KIAA0586: variants seen among roughly 807,000 people sequenced by gnomAD.
KIAA0586 encodes the protein KIAA0586.
KIAA0586 carries 144 observed loss-of-function variants against 169.8 expected under a neutral mutation model. That is an observed-to-expected ratio of 0.85 (90% CI 0.74 to 0.97). The LOEUF is 0.97. Among genes scored for constraint, KIAA0586 ranks in the 50% least tolerant of loss-of-function variants. KIAA0586 has a pLI of 0.00. For missense variants in KIAA0586, 1,854 were observed against 1,823.0 expected (o/e 1.02, Z -0.31); for synonymous variants, 625 against 612.4 (o/e 1.02, Z -0.30).
At chr14:58,438,147 A>G (rs1020010078) in intron 4 of KIAA0586, among the ~76,000 whole-genome samples, 1 of 152,158 alleles carries the variant, frequency 6.6e-6, no homozygotes, top group Non-Finnish European at 1.5e-5. Context: ...ATAAAGAAAA[A>G]CTGGCTAAAA....
intron 18 of KIAA0586, among the ~76,000 whole-genome samples, chr14:58,472,501 C>T (rs184316465): frequency 1.3e-5 from 2 of 151,776 alleles, no homozygotes; most frequent in Admixed American, 1.3e-4. Flanking sequence ...TCTGCCGTTC[C>T]CCACCTAGAT....
At chr14:58,481,233 T>C (rs370984102) in intron 20 of KIAA0586, among the ~76,000 whole-genome samples, 2 of 152,220 alleles carry the variant, frequency 1.3e-5, no homozygotes, top group African/African-American at 4.8e-5. Flanking sequence ...AGCAGTACTC[T>C]TTGGTGAGGT....
chr14:58,470,627 A>C lies in KIAA0586; in HGVS notation c.2457A>C (p.Val819=). ...PQLTVQVLPS[V]DIDSISNSSA... is the part of the protein sequence containing the mutation. ...TTCTGTTTTAGGTATTACCCAGTGTAGATATTGACAGCATTTCAAATAGTA... is the reference window on the plus strand; with the variant it reads ...TTCTGTTTTAGGTATTACCCAGTGTCGATATTGACAGCATTTCAAATAGTA... The change falls in exon 17 of 31, where the codon GTA becomes GTC. Residue 819 remains valine, a synonymous_variant. Coordinates refer to ENST00000652326, the MANE Select transcript of KIAA0586 (RefSeq NM_001329943.3). 1 of 1,595,936 alleles carries C rather than the reference A, an allele frequency of 6.3e-7. No homozygotes were observed. The highest frequency in any genetic ancestry group is 2.2e-5 in the East Asian group (1 of 44,626).
At position 58,429,445 on chromosome 14, in the gene KIAA0586, G is replaced by T; in HGVS notation, c.270+12G>T. On this transcript the variant is annotated intron_variant, in intron 2 of 30. Coordinates refer to ENST00000652326, the MANE Select transcript of KIAA0586 (RefSeq NM_001329943.3). ...TGGTGTCAGAAAGTGTAAGCAAAAG[G>T]ATTCTTAATTATGCTCACGTTAAAA... The T allele has an allele frequency of 6.8e-7, 1 of 1,477,868 alleles. No individual in the cohort carries two copies. Among genetic ancestry groups the T allele is most frequent in the Non-Finnish European group, 9.5e-7 (1 of 1,057,376 alleles). 91.5% of individuals were successfully genotyped at this position (1,477,868 alleles called of 1,614,324 possible).
At chr14:58,539,248 T>G (rs1209777420) in intron 29 of KIAA0586, among the ~76,000 whole-genome samples, 1 of 152,130 alleles carries the variant, frequency 6.6e-6, no homozygotes, top group Non-Finnish European at 1.5e-5. Context: ...ATGTACTACC[T>G]GAAATTTTTG....
At chr14:58,510,852 A>G (rs1320802623) in intron 28 of KIAA0586, among the ~76,000 whole-genome samples, 2 of 152,098 alleles carry the variant, frequency 1.3e-5, no homozygotes, top group East Asian at 3.9e-4. Context: ...TATGTTGAGT[A>G]AAGAAGCCAT....
chr14:58,450,531 A>T, intron 7 of KIAA0586, 48 bp from the exon 8 acceptor site: 1 of 1,122,104 alleles, frequency 8.9e-7, no homozygotes, highest in Non-Finnish European at 1.3e-6. Context: ...TATAATTTTT[A>T]AAGCTTTTTA....
At chr14:58,485,121 A>G (rs2042354750) in intron 21 of KIAA0586, among the ~76,000 whole-genome samples, 2 of 149,440 alleles carry the variant, frequency 1.3e-5, no homozygotes, top group Non-Finnish European at 1.5e-5. Flanking sequence ...ACGGGGTTTC[A>G]CCATGTTGGC....
intron 29 of KIAA0586, among the ~76,000 whole-genome samples, chr14:58,533,786 G>A (rs553449396): frequency 2.0e-5 from 3 of 152,206 alleles, no homozygotes; most frequent in South Asian, 4.2e-4. Context: ...CACTGGTGTC[G>A]TGTGTACAGT....
intron 19 of KIAA0586, among the ~76,000 whole-genome samples, chr14:58,476,044 G>T (rs1466703188): frequency 6.6e-6 from 1 of 152,192 alleles, no homozygotes; most frequent in African/African-American, 2.4e-5. Context: ...GTTGCAGTGA[G>T]CTGAGACTGT....
rs577897043 is a variant in KIAA0586 at position 58,490,473 on chromosome 14, T to C, written c.3858+233T>C. Among the ~76,000 whole-genome samples, 5 of 152,304 alleles carry C rather than the reference T, an allele frequency of 3.3e-5. No homozygotes were observed. In the South Asian group the frequency reaches 6.2e-4, roughly 19 times the overall value. Reference sequence around the variant, plus strand: ...GGCTCTAGTAGTAAAAAAATATACATTTAATGTAATTAGGTAATGAAATCT... The same window carrying C: ...GGCTCTAGTAGTAAAAAAATATACACTTAATGTAATTAGGTAATGAAATCT... On this transcript the variant is annotated intron_variant, in intron 25 of 30. Coordinates refer to ENST00000652326, the MANE Select transcript of KIAA0586 (RefSeq NM_001329943.3).
chr14:58,470,755 AG>A, intron 17 of KIAA0586, 32 bp downstream of exon 17: 1 of 1,062,906 alleles, frequency 9.4e-7, no homozygotes, highest in Non-Finnish European at 1.5e-6. Context: ...TATTATTTTG[AG>A]TAATGTCTGA....
At chr14:58,444,484 T>C (rs1439982064) in intron 6 of KIAA0586, among the ~76,000 whole-genome samples, 1 of 147,384 alleles carries the variant, frequency 6.8e-6, no homozygotes, top group Non-Finnish European at 1.5e-5. Flanking sequence ...AGTACAGTAG[T>C]AGAATCTCCA....
In KIAA0586 at chr14:58,457,952, C is replaced by T. The variant is rs775368342; in HGVS notation, c.1556C>T (p.Ser519Leu). Residue 519 changes from serine to leucine, a missense_variant, in exon 11 of 31, where the codon TCG becomes TTG. Ser to Leu is a moderately radical substitution (Grantham distance 145). Transcript: ENST00000652326. Reference protein sequence around the residue: ...IRAKDGAAMYSLINALSTNRE... With the variant: ...IRAKDGAAMYLLINALSTNRE... The stretch of plus-strand genomic sequence containing the variant: ...GCAAAAGATGGAGCTGCCATGTATT[C>T]GCTTATCAATGCTTTATCTACCAAC... 5.6e-6 allele frequency: 9 copies of T among 1,597,134 alleles called. No individual in the cohort carries two copies. The highest frequency in any genetic ancestry group is 1.1e-5 in the South Asian group (1 of 88,178).
At chr14:58,455,646 G>A (rs946005339) in intron 9 of KIAA0586, among the ~76,000 whole-genome samples, 1 of 151,834 alleles carries the variant, frequency 6.6e-6, no homozygotes, top group African/African-American at 2.4e-5. Flanking sequence ...GAACTGATAA[G>A]TCTCCCTCTC....
At chr14:58,436,874 A>C (rs1046423343) in intron 4 of KIAA0586, among the ~76,000 whole-genome samples, 2 of 152,254 alleles carry the variant, frequency 1.3e-5, no homozygotes, top group African/African-American at 4.8e-5. Context: ...TGTCTAGAAC[A>C]ACGGGAGAAC....
intron 14 of KIAA0586, among the ~76,000 whole-genome samples, chr14:58,464,871 G>A (rs1161984478): frequency 6.6e-5 from 10 of 152,108 alleles, no homozygotes; most frequent in Admixed American, 1.3e-4. Flanking sequence ...GGAGCAGGAC[G>A]GCATGAGATT....
intron 4 of KIAA0586, among the ~76,000 whole-genome samples, chr14:58,438,565 G>A (rs1339532682): frequency 2.0e-5 from 3 of 152,158 alleles, no homozygotes; most frequent in African/African-American, 7.2e-5. Context: ...GTATATATAT[G>A]GAAGAATTAG....
At chr14:58,526,534 G>A (rs11849566) in intron 29 of KIAA0586, among the ~76,000 whole-genome samples, 1,890 of 152,214 alleles carry the variant, frequency 0.012, 43 homozygotes, top group African/African-American at 0.042. Flanking sequence ...GGACACCCAC[G>A]CAGAAACCCC....
Sources: gnomAD v4.1 joint callset for allele counts (sites outside exome capture counted in the v4.1 genomes callset) on GRCh38, gnomAD v4.1.1 for gene constraint, MANE v1.5 for transcripts, NCBI Gene and HGNC (gene_info 2026-07-23, HGNC 2026-07-21) for gene names.